The following SULT1E1 variants were observed in gnomAD, a reference collection of about 807,000 sequenced individuals.
SULT1E1 encodes sulfotransferase 1E1.
In SULT1E1, 36 loss-of-function variants were observed where a neutral mutation model predicts 33.6. That is an observed-to-expected ratio of 1.07 (90% CI 0.82 to 1.41). SULT1E1 has a LOEUF of 1.41. Among genes scored for constraint, SULT1E1 ranks in the 40% most tolerant of loss-of-function variants. The probability of loss-of-function intolerance (pLI) is 0.00; values close to 1 mark genes in which losing one functional copy is unlikely to be tolerated. For synonymous variants in SULT1E1, 121 were observed against 111.7 expected (o/e 1.08, Z -0.53); for missense variants, 371 against 345.7 (o/e 1.07, Z -0.58).
chr4:69,825,075 C>T, the SULT1E1 span, among the ~76,000 whole-genome samples: 1 of 152,060 alleles, frequency 6.6e-6, no homozygotes, highest in African/African-American at 2.4e-5. Context: ...CCAGATGTGC[C>T]ACCTTTAAGA....
intron 5 of SULT1E1, among the ~76,000 whole-genome samples, chr4:69,848,381 T>C (rs911160862): frequency 1.3e-5 from 2 of 151,810 alleles, no homozygotes; most frequent in African/African-American, 4.8e-5. Flanking sequence ...CCTTTTTCTT[T>C]CTCTTGCCTC....
chr4:69,855,310 G>T lies in SULT1E1; in HGVS notation c.262C>A (p.Leu88Ile). The T allele has an allele frequency of 6.2e-7, 1 of 1,611,828 alleles. No homozygotes were observed. The highest frequency in any genetic ancestry group is 8.5e-7 in the Non-Finnish European group (1 of 1,178,842). ...TCAACTTGAACGTTACCATTCATGA[G>T]GTTTTCTTTTCTGCATTCCAGGAAA... The part of the protein sequence containing the change: ...IPFLECRKEN[L>I]MNGVKQLDEM... The change falls in exon 3 of 8, where the codon CTC becomes ATC. Residue 88 changes from leucine (L) to isoleucine (I), a missense_variant. Transcript: ENST00000226444.
the SULT1E1 span, among the ~76,000 whole-genome samples, chr4:69,825,034 A>C: frequency 6.6e-6 from 1 of 152,172 alleles, no homozygotes; most frequent in African/African-American, 2.4e-5. Context: ...AGTCAGTGAG[A>C]CCGCTAACCC....
chr4:69,823,260 A>G, the SULT1E1 span, among the ~76,000 whole-genome samples: 1 of 152,186 alleles, frequency 6.6e-6, no homozygotes, highest in African/African-American at 2.4e-5. Flanking sequence ...CAGGTTTAGT[A>G]TAGCCCTCAC....
chr4:69,856,935 CAAAAAAAAAAAAAA>C (rs11464421), intron 2 of SULT1E1, among the ~76,000 whole-genome samples: 7 of 59,232 alleles, frequency 1.2e-4, no homozygotes, highest in South Asian at 9.5e-4. Flanking sequence ...GACTCCGTCT[CAAAAAAAAAAAAAA>C]AAAAAAAAAA....
At chr4:69,827,307 C>G in the SULT1E1 span, among the ~76,000 whole-genome samples, 7 of 152,238 alleles carry the variant, frequency 4.6e-5, no homozygotes, top group South Asian at 1.5e-3. Context: ...GATAGAATGA[C>G]AGCTGAAGAA....
chr4:69,832,001 T>C, the SULT1E1 span, among the ~76,000 whole-genome samples: 1 of 152,152 alleles, frequency 6.6e-6, no homozygotes, highest in African/African-American at 2.4e-5. Context: ...ACCATGTCAG[T>C]TGGGGTATAA....
the SULT1E1 span, among the ~76,000 whole-genome samples, chr4:69,825,861 G>A: frequency 2.0e-5 from 3 of 152,058 alleles, no homozygotes; most frequent in Non-Finnish European, 2.9e-5. Context: ...TCTCTTCTCC[G>A]AGGCTAGTCC....
intron 4 of SULT1E1, among the ~76,000 whole-genome samples, chr4:69,850,046 C>G (rs1017685364): frequency 3.3e-5 from 5 of 151,892 alleles, no homozygotes; most frequent in Admixed American, 6.6e-5. Flanking sequence ...TCTGAGGTCT[C>G]TTCACTTTCA....
intron 1 of SULT1E1, 70 bp from the exon 2 acceptor site, chr4:69,857,723 T>G: frequency 6.9e-7 from 1 of 1,443,256 alleles, no homozygotes; most frequent in Non-Finnish European, 9.3e-7. Context: ...ACTATGTATA[T>G]AACGGGACCC....
At chr4:69,857,066 T>C (rs1340254775) in intron 2 of SULT1E1, among the ~76,000 whole-genome samples, 2 of 151,870 alleles carry the variant, frequency 1.3e-5, no homozygotes, top group African/African-American at 4.8e-5. Flanking sequence ...TCTAAAAGTC[T>C]ACAGTTGTAA....
chr4:69,851,427 C>T (rs1721102717), intron 4 of SULT1E1, among the ~76,000 whole-genome samples: 1 of 152,098 alleles, frequency 6.6e-6, no homozygotes, highest in Non-Finnish European at 1.5e-5. Flanking sequence ...TAATGAGATA[C>T]CGTCTCACAC....
downstream of SULT1E1, among the ~76,000 whole-genome samples, chr4:69,840,842 C>G (rs565646908): frequency 6.6e-6 from 1 of 151,966 alleles, no homozygotes; most frequent in Non-Finnish European, 1.5e-5. Context: ...GTCAGGAGAT[C>G]GAGACCATCC....
intron 4 of SULT1E1, among the ~76,000 whole-genome samples, chr4:69,850,837 C>G (rs1476186254): frequency 6.6e-6 from 1 of 152,026 alleles, no homozygotes; most frequent in Non-Finnish European, 1.5e-5. Flanking sequence ...CTCTCTTTCC[C>G]TAAACTTCTA....
rs1360186887 is a variant in SULT1E1 at position 69,849,478 on chromosome 4, CCAGGATTTGGA to C, written c.444_454del (p.His148GlnfsTer22). 63 of 1,611,646 alleles carry C rather than the reference CCAGGATTTGGA, an allele frequency of 3.9e-5. No individual in the cohort carries two copies. The highest frequency in any genetic ancestry group is 5.3e-5 in the Non-Finnish European group (63 of 1,178,276). On this transcript the variant is annotated frameshift_variant, in exon 5 of 8. Transcript: ENST00000226444. LOFTEE classifies it high-confidence loss of function. ...TTTCTCCACAAACTCTGGAAAGGAT[CCAGGATTTGGA>C]TGACCAGCCACCATTAGAAAGAAAT... is the stretch of plus-strand genomic sequence containing the variant.
In SULT1E1 at chr4:69,842,084, A is replaced by AT. The variant is rs751033828; in HGVS notation, c.794dup (p.Asn265LysfsTer9). On this transcript the variant is annotated frameshift_variant, in exon 8 of 8. Transcript: ENST00000226444. LOFTEE classifies it low-confidence loss of function (END_TRUNC). ...TTTCATTCAGGGCTACTGTAAAGTG[A>AT]TTTTTCCAGTCTCCTGTAATTCCTG... 25 of 1,605,394 alleles carry AT rather than the reference A, an allele frequency of 1.6e-5. 1 individual carries two copies. In the African/African-American group the frequency reaches 2.8e-4, roughly 18 times the overall value.
the SULT1E1 span, among the ~76,000 whole-genome samples, chr4:69,826,217 G>A: frequency 3.8e-4 from 58 of 152,150 alleles, no homozygotes; most frequent in Non-Finnish European, 7.6e-4. Flanking sequence ...TTCATTCTGG[G>A]GACATAACAT....
At chr4:69,827,475 A>AT in the SULT1E1 span, among the ~76,000 whole-genome samples, 6 of 152,152 alleles carry the variant, frequency 3.9e-5, no homozygotes, top group African/African-American at 1.4e-4. Flanking sequence ...ATATTCAATG[A>AT]TGTCTACCAT....
At chr4:69,843,169 T>G (rs1334243965) in intron 7 of SULT1E1, among the ~76,000 whole-genome samples, 2 of 152,074 alleles carry the variant, frequency 1.3e-5, no homozygotes, top group African/African-American at 4.8e-5. Flanking sequence ...AGAGTTCACT[T>G]GCCCTCTTGC....
Sources: gnomAD v4.1 joint callset for allele counts (sites outside exome capture counted in the v4.1 genomes callset) on GRCh38, gnomAD v4.1.1 for gene constraint, MANE v1.5 for transcripts, NCBI Gene and HGNC (gene_info 2026-07-23, HGNC 2026-07-21) for gene names.